The following CADM2 variants were observed in gnomAD, a reference collection of about 807,000 sequenced individuals.
The protein encoded by CADM2 is immunoglobulin superfamily member 4D.
A neutral mutation model predicts 49.8 loss-of-function variants in CADM2; 12 were observed. The ratio of observed to expected loss-of-function variants is 0.24; its 90% CI spans 0.15 to 0.39. CADM2 has a LOEUF of 0.39. Among genes scored for constraint, CADM2 ranks in the 10% least tolerant of loss-of-function variants. The pLI is 1.00. For missense variants in CADM2, 378 were observed against 492.3 expected (o/e 0.77, Z 2.20); for synonymous variants, 214 against 175.4 (o/e 1.22, Z -1.74).
chr3:85,321,116 A>ATTTTTTTTTTTTTT (rs1157576505), intron 1 of CADM2, among the ~76,000 whole-genome samples: 1 of 27,496 alleles, frequency 3.6e-5, no homozygotes. Context: ...ATATATATAT[A>ATTTTTTTTTTTTTT]TTTTTTTTTT....
At chr3:85,363,715 C>T (rs1385541843) in intron 1 of CADM2, among the ~76,000 whole-genome samples, 1 of 152,158 alleles carries the variant, frequency 6.6e-6, no homozygotes. Flanking sequence ...GGATTCACGC[C>T]ATTCTCCTGC....
At chr3:85,800,248 A>G (rs2071919750) in intron 2 of CADM2, 1 of 152,242 alleles carries the variant, frequency 6.6e-6, no homozygotes, top group Admixed American at 6.5e-5. Context: ...ACGAAGCTCG[A>G]GTATCCCAGG....
chr3:85,541,897 A>G (rs527460002), intron 1 of CADM2, among the ~76,000 whole-genome samples: 1 of 151,008 alleles, frequency 6.6e-6, no homozygotes, highest in African/African-American at 2.4e-5. Context: ...GAAAAGCATA[A>G]GAACGACATG....
intron 1 of CADM2, among the ~76,000 whole-genome samples, chr3:84,972,239 G>C: frequency 6.6e-6 from 1 of 152,266 alleles, no homozygotes; most frequent in East Asian, 1.9e-4. Flanking sequence ...AGGAACTTAT[G>C]GATGATTGCA....
intron 1 of CADM2, among the ~76,000 whole-genome samples, chr3:85,100,384 A>G (rs2037967072): frequency 6.6e-6 from 1 of 152,196 alleles, no homozygotes; most frequent in Admixed American, 6.5e-5. Context: ...TTCTCATAAC[A>G]TATTTGCTTC....
intron 1 of CADM2, among the ~76,000 whole-genome samples, chr3:85,018,444 C>G (rs935040311): frequency 1.3e-5 from 2 of 152,156 alleles, no homozygotes; most frequent in Non-Finnish European, 2.9e-5. Flanking sequence ...GTGGTGCGAT[C>G]TTGGCTCACC....
In CADM2 at chr3:85,377,189, A is replaced by C. The variant is rs142797742; in HGVS notation, c.62-349333A>C. Among the ~76,000 whole-genome samples the C allele has an allele frequency of 2.5e-3, 379 of 152,184 alleles. 1 individual carries two copies. Among genetic ancestry groups the C allele is most frequent in the African/African-American group, 8.7e-3 (363 of 41,538 alleles). On this transcript the variant is annotated intron_variant, in intron 1 of 9. Transcript: ENST00000383699. Reference sequence around the variant, plus strand: ...CGACCTTCTTTTGTTCATAAATGCTAATATTTATTGCTTCTTTGTTGAGGT... The same window carrying C: ...CGACCTTCTTTTGTTCATAAATGCTCATATTTATTGCTTCTTTGTTGAGGT...
chr3:85,418,410 C>T (rs571451300), intron 1 of CADM2, among the ~76,000 whole-genome samples: 1 of 152,010 alleles, frequency 6.6e-6, no homozygotes, highest in African/African-American at 2.4e-5. Flanking sequence ...CTACTTTTGG[C>T]TCAATTTTTC....
intron 1 of CADM2, among the ~76,000 whole-genome samples, chr3:85,302,872 T>C (rs1407325651): frequency 1.3e-5 from 2 of 151,996 alleles, no homozygotes; most frequent in Non-Finnish European, 1.5e-5. Flanking sequence ...ACTTGATGAA[T>C]ATTTTCATTT....
intron 2 of CADM2, among the ~76,000 whole-genome samples, chr3:85,735,970 A>T (rs1055144832): frequency 3.3e-5 from 5 of 152,086 alleles, no homozygotes; most frequent in African/African-American, 1.2e-4. Flanking sequence ...TCTGAAAATC[A>T]TGTGGACAGT....
At chr3:85,215,638 A>G (rs900563717) in intron 1 of CADM2, among the ~76,000 whole-genome samples, 2 of 152,070 alleles carry the variant, frequency 1.3e-5, no homozygotes, top group African/African-American at 2.4e-5. Context: ...AACTCAGTAC[A>G]GCACCAGGAA....
At chr3:85,938,110 A>G (rs1289350480) in intron 7 of CADM2, among the ~76,000 whole-genome samples, 1 of 151,990 alleles carries the variant, frequency 6.6e-6, no homozygotes, top group Non-Finnish European at 1.5e-5. Context: ...CGTTCTTCTA[A>G]TCATCTTAAA....
intron 3 of CADM2, among the ~76,000 whole-genome samples, chr3:85,813,307 T>A (rs1284709291): frequency 6.6e-6 from 1 of 152,238 alleles, no homozygotes; most frequent in Non-Finnish European, 1.5e-5. Context: ...CCAGTGATGA[T>A]AAGCTTTTTT....
intron 1 of CADM2, among the ~76,000 whole-genome samples, chr3:85,482,181 T>C (rs902882305): frequency 3.3e-5 from 5 of 151,758 alleles, no homozygotes; most frequent in Non-Finnish European, 5.9e-5. Context: ...CTGTAGCTTG[T>C]CTCTGGATAT....
At chr3:85,889,649 A>G (rs772660762) in intron 5 of CADM2, among the ~76,000 whole-genome samples, 1 of 152,338 alleles carries the variant, frequency 6.6e-6, no homozygotes, top group Non-Finnish European at 1.5e-5. Flanking sequence ...TCTGTATAAA[A>G]TGATATGTAT....
chr3:85,780,920 T>C (rs1392437435), intron 2 of CADM2, among the ~76,000 whole-genome samples: 7 of 152,054 alleles, frequency 4.6e-5, no homozygotes, highest in Non-Finnish European at 7.4e-5. Flanking sequence ...AAGAGGGAAT[T>C]GGAAAGTGCT....
At chr3:85,966,475 A>G (rs920574835) in intron 8 of CADM2, among the ~76,000 whole-genome samples, 9 of 151,608 alleles carry the variant, frequency 5.9e-5, no homozygotes, top group Non-Finnish European at 8.9e-5. Context: ...CCTTGTATGA[A>G]TAAGTTTTAT....
chr3:85,197,079 A>G (rs2041361972), intron 1 of CADM2, among the ~76,000 whole-genome samples: 1 of 151,966 alleles, frequency 6.6e-6, no homozygotes, highest in Non-Finnish European at 1.5e-5. Flanking sequence ...AAACCTTTAG[A>G]CACCTAATAA....
In CADM2 at chr3:85,636,572, A is replaced by C. The variant is rs1385209513; in HGVS notation, c.62-89950A>C. 2.6e-5 allele frequency among the ~76,000 whole-genome samples: 4 copies of C among 152,166 alleles called. No homozygotes were observed. The East Asian group carries it at 7.7e-4, about 29-fold the overall frequency. On this transcript the variant is annotated intron_variant, in intron 1 of 9. Coordinates refer to ENST00000383699, the MANE Select transcript of CADM2 (RefSeq NM_001167675.2). ...GTAGCCTCAATGTACAGTGTTGATC[A>C]AGTCTACAGTAATGTACAAGAATGT...
Sources: gnomAD v4.1 joint callset for allele counts (sites outside exome capture counted in the v4.1 genomes callset) on GRCh38, gnomAD v4.1.1 for gene constraint, MANE v1.5 for transcripts, NCBI Gene and HGNC (gene_info 2026-07-23, HGNC 2026-07-21) for gene names.